Variants in PACS2 observed in about 807,000 individuals in gnomAD.
PACS2 encodes phosphofurin acidic cluster sorting protein 2, also known as PACS1-like protein.
A neutral mutation model predicts 113.0 loss-of-function variants in PACS2; 36 were observed. The observed-to-expected ratio is 0.32, with a 90% CI of 0.24 to 0.42. The LOEUF is 0.42. Among genes scored for constraint, PACS2 ranks in the 10% least tolerant of loss-of-function variants. The pLI, the probability that PACS2 is intolerant of heterozygous loss-of-function variation, is 1.00. For missense variants in PACS2, 1,015 were observed against 1,239.5 expected, an observed-to-expected ratio of 0.82 and a Z score of 2.72; for synonymous variants, 589 against 536.1, an observed-to-expected ratio of 1.10 and a Z score of -1.36.
At position 105,323,433 on chromosome 14, in the gene PACS2, G is replaced by A. The variant is rs1407986044; in HGVS notation, c.119+8396G>A. On this transcript the variant is annotated intron_variant, in intron 1 of 24. Coordinates refer to ENST00000447393, the MANE Select transcript of PACS2 (RefSeq NM_001100913.3). The surrounding 1 kb of genome is among the most constrained non-coding windows in gnomAD (Gnocchi z 4.1). The stretch of plus-strand genomic sequence containing the variant: ...TCAGGACGCATGTTGCCTACTGACC[G>A]CTGCCAGCCTGCACGAGACTCTCAC... 6.6e-6 allele frequency among the ~76,000 whole-genome samples: 1 copy of A among 152,198 alleles called. No homozygotes were observed.
intron 24 of PACS2, chr14:105,394,349 G>A (rs2081473927): frequency 1.0e-6 from 1 of 985,280 alleles, no homozygotes; most frequent in South Asian, 4.7e-5. Flanking sequence ...AGTGTGGAGG[G>A]CAGGGGCAGG....
chr14:105,391,321 C>G, intron 21 of PACS2, 72 bp downstream of exon 21: 1 of 1,155,734 alleles, frequency 8.7e-7, no homozygotes, highest in East Asian at 2.3e-5. Context: ...CATTCGAGTC[C>G]TGCAGACCAG....
chr14:105,375,426 C>T (rs1308233349), intron 8 of PACS2, among the ~76,000 whole-genome samples: 2 of 141,994 alleles, frequency 1.4e-5, no homozygotes, highest in African/African-American at 2.8e-5. Flanking sequence ...TGCAGTGAGC[C>T]GAGATCGTGC....
chr14:105,324,847 G>T lies in PACS2; in HGVS notation c.119+9810G>T, dbSNP rs777357580. The stretch of plus-strand genomic sequence containing the variant: ...GGTCCTCTGCATGGTCAGGGGCCAT[G>T]CTGGGTCCCCTGGGGTGCAGATGCC... On this transcript the variant is annotated intron_variant, in intron 1 of 24. Coordinates refer to ENST00000447393, the MANE Select transcript of PACS2 (RefSeq NM_001100913.3). The surrounding 1 kb of genome is among the most constrained non-coding windows in gnomAD (Gnocchi z 4.7). 4.6e-5 allele frequency among the ~76,000 whole-genome samples: 7 copies of T among 152,176 alleles called. No homozygotes were observed. Among genetic ancestry groups the T allele is most frequent in the African/African-American group, 1.7e-4 (7 of 41,442 alleles).
intron 1 of PACS2, among the ~76,000 whole-genome samples, chr14:105,334,141 G>T (rs2059411704): frequency 6.6e-6 from 1 of 152,226 alleles, no homozygotes; most frequent in African/African-American, 2.4e-5. Context: ...CCCACAGGCA[G>T]TGGCCGCCGT....
intron 1 of PACS2, among the ~76,000 whole-genome samples, chr14:105,304,778 G>A (rs140078131): frequency 6.6e-5 from 10 of 152,370 alleles, no homozygotes; most frequent in Middle Eastern, 6.8e-3. Context: ...CACGTCTTAC[G>A]TGGATGGCAG....
At chr14:105,338,411 G>C (rs944205389) in intron 1 of PACS2, among the ~76,000 whole-genome samples, 24 of 152,188 alleles carry the variant, frequency 1.6e-4, no homozygotes, top group Non-Finnish European at 3.4e-4. Flanking sequence ...GGGGGGCGGT[G>C]GTGGGGCATT....
chr14:105,367,397 T>C (rs2060977303), intron 5 of PACS2, 22 bp downstream of exon 5: 4 of 1,607,472 alleles, frequency 2.5e-6, no homozygotes, highest in Non-Finnish European at 3.4e-6. Flanking sequence ...GCCAGCCCGC[T>C]CCTGCCCCTG....
chr14:105,368,261 C>A, intron 6 of PACS2, 114 bp downstream of exon 6: 1 of 863,050 alleles, frequency 1.2e-6, no homozygotes, highest in Non-Finnish European at 1.8e-6. Flanking sequence ...GAGCCACGGG[C>A]CTGGCCCCTG....
Position 105,394,541 on chromosome 14 carries a change from C to A in PACS2, c.2597-13C>A, listed in dbSNP as rs781964872. The A allele has an allele frequency of 1.9e-6, 3 of 1,611,014 alleles. No individual in the cohort carries two copies. The Admixed American group carries it at 5.0e-5, about 27-fold the overall frequency. ...GGCAGGGGGGCAGGCGGTCAGGCAG[C>A]CCTCTCCCACAGTCCTCATCGACGG... On this transcript the variant is annotated splice_polypyrimidine_tract_variant and intron_variant, in intron 24 of 24. Transcript: ENST00000447393.
intron 4 of PACS2, among the ~76,000 whole-genome samples, chr14:105,361,863 C>T (rs1331159606): frequency 3.3e-5 from 5 of 151,616 alleles, no homozygotes; most frequent in Non-Finnish European, 7.4e-5. Context: ...GCAGGAGAAT[C>T]GCTTGAACCC....
intron 1 of PACS2, among the ~76,000 whole-genome samples, chr14:105,334,889 G>A (rs1311265172): frequency 6.6e-6 from 1 of 152,246 alleles, no homozygotes; most frequent in African/African-American, 2.4e-5. Flanking sequence ...TGCATGGTAT[G>A]GGAGGTGGGA....
At chr14:105,352,637 C>T (rs1413038618) in intron 3 of PACS2, among the ~76,000 whole-genome samples, 170 bp downstream of exon 3, 1 of 146,454 alleles carries the variant, frequency 6.8e-6, no homozygotes, top group East Asian at 2.1e-4. Context: ...CATCACCGTC[C>T]CCTGGGGAGA....
At chr14:105,387,382 G>A (rs1296293775) in intron 19 of PACS2, among the ~76,000 whole-genome samples, 5 of 152,182 alleles carry the variant, frequency 3.3e-5, no homozygotes, top group African/African-American at 9.6e-5. Flanking sequence ...CAGCCTGCCC[G>A]TGCAGCGCAT....
At chr14:105,363,679 C>T (rs889290796) in intron 4 of PACS2, among the ~76,000 whole-genome samples, 6 of 152,168 alleles carry the variant, frequency 3.9e-5, no homozygotes, top group Non-Finnish European at 7.3e-5. Flanking sequence ...TTCCTGTGTT[C>T]GCTGGAGCAG....
rs2081303228 is a variant in PACS2, at chr14:105,390,015, C to A, written c.2076+12C>A. On this transcript the variant is annotated intron_variant, in intron 20 of 24. Transcript: ENST00000447393. ...TTCCCTTTGTCGGGGTGAGTACTGG[C>A]CAGCTTTATGTGATGGGAAACCGCA... 6.2e-7 allele frequency: 1 copy of A among 1,612,550 alleles called. No homozygotes were observed.
intron 16 of PACS2, chr14:105,384,048 G>A (rs782310752): frequency 7.2e-5 from 28 of 391,586 alleles, no homozygotes; most frequent in Non-Finnish European, 1.1e-4. Flanking sequence ...TGGCCCTCAC[G>A]ATGCCGACGT....
At chr14:105,341,787 G>C (rs922219295) in intron 1 of PACS2, among the ~76,000 whole-genome samples, 1 of 152,240 alleles carries the variant, frequency 6.6e-6, no homozygotes, top group Non-Finnish European at 1.5e-5. Flanking sequence ...CACAGTGGCT[G>C]TAGCTATGTG....
In PACS2 at chr14:105,381,116, G is replaced by C. The variant is rs1158332998; in HGVS notation, c.1268+17G>C. 6.2e-7 allele frequency: 1 copy of C among 1,601,176 alleles called. No homozygotes were observed. Among genetic ancestry groups the C allele is most frequent in the East Asian group, 2.2e-5 (1 of 44,634 alleles). ...CTCCACCAGGTGATGGGGGCTGCAC[G>C]GCGGGGCGGGGCGGTGATGCACCTG... On this transcript the variant is annotated intron_variant, in intron 12 of 24. Coordinates refer to ENST00000447393, the MANE Select transcript of PACS2 (RefSeq NM_001100913.3).
Sources: allele counts gnomAD v4.1 joint callset (sites outside exome capture counted in the v4.1 genomes callset), GRCh38; gene constraint gnomAD v4.1.1; non-coding constraint Gnocchi (gnomAD v3.1); transcripts MANE v1.5; gene names NCBI Gene and HGNC (gene_info 2026-07-23, HGNC 2026-07-21).